The following TACR3 variants were observed in gnomAD, a reference collection of about 807,000 sequenced individuals.
The protein encoded by TACR3 is tachykinin receptor 3, also known as neuromedin-K receptor.
TACR3 carries 34 observed loss-of-function variants against 35.0 expected under a neutral mutation model. The ratio of observed to expected loss-of-function variants is 0.97; its 90% CI spans 0.74 to 1.30. TACR3 has a LOEUF of 1.30. Among genes scored for constraint, TACR3 ranks in the 50% most tolerant of loss-of-function variants. The pLI, the probability that TACR3 is intolerant of heterozygous loss-of-function variation, is 0.00. For missense variants in TACR3, 558 were observed against 591.7 expected (o/e 0.94, Z 0.59); for synonymous variants, 233 against 221.1 (o/e 1.05, Z -0.48).
chr4:103,601,601 C>T (rs1214057793), intron 3 of TACR3, among the ~76,000 whole-genome samples: 2 of 152,146 alleles, frequency 1.3e-5, no homozygotes, highest in Non-Finnish European at 2.9e-5. Context: ...AATCTCTCAG[C>T]ATTAGCTTGT....
intron 1 of TACR3, among the ~76,000 whole-genome samples, chr4:103,695,662 A>G (rs1009813274): frequency 3.3e-5 from 5 of 151,818 alleles, no homozygotes; most frequent in South Asian, 4.2e-4. Context: ...CAGTGCCCCT[A>G]AGTCCTGCAT....
intron 3 of TACR3, among the ~76,000 whole-genome samples, chr4:103,655,031 T>C (rs1028593832): frequency 6.6e-6 from 1 of 152,150 alleles, no homozygotes; most frequent in Non-Finnish European, 1.5e-5. Context: ...GAAAGAAAAA[T>C]AAAATTGAAT....
chr4:103,603,432 A>C (rs1031963830), intron 3 of TACR3, among the ~76,000 whole-genome samples: 2 of 152,180 alleles, frequency 1.3e-5, no homozygotes, highest in Non-Finnish European at 2.9e-5. Flanking sequence ...CTCCCCAGTG[A>C]GATGAACCCG....
intron 1 of TACR3, among the ~76,000 whole-genome samples, chr4:103,669,127 C>T (rs1725999312): frequency 6.6e-6 from 1 of 151,910 alleles, no homozygotes; most frequent in South Asian, 2.1e-4. Flanking sequence ...TTATTCATAT[C>T]GTTGCAAATG....
chr4:103,625,603 CTTTA>C (rs1455995012), intron 3 of TACR3, among the ~76,000 whole-genome samples: 2 of 151,984 alleles, frequency 1.3e-5, no homozygotes, highest in African/African-American at 4.8e-5. Context: ...GTAATTCTAC[CTTTA>C]TTTAGTAGCA....
At chr4:103,598,030 C>T (rs527499428) in intron 3 of TACR3, among the ~76,000 whole-genome samples, 1,907 of 152,100 alleles carry the variant, frequency 0.013, 37 homozygotes, top group African/African-American at 0.043. Context: ...ATCGCCACAC[C>T]GACTTCCACA....
At chr4:103,700,568 G>A (rs1458902915) in intron 1 of TACR3, among the ~76,000 whole-genome samples, 1 of 152,168 alleles carries the variant, frequency 6.6e-6, no homozygotes, top group African/African-American at 2.4e-5. Flanking sequence ...AACAGGTGAT[G>A]TCTCCTTATA....
intron 1 of TACR3, among the ~76,000 whole-genome samples, chr4:103,660,921 T>C (rs1334725954): frequency 6.6e-6 from 1 of 152,004 alleles, no homozygotes; most frequent in Non-Finnish European, 1.5e-5. Flanking sequence ...TCATATATAC[T>C]TAATAGCCAT....
At chr4:103,613,285 C>T (rs1724552571) in intron 3 of TACR3, among the ~76,000 whole-genome samples, 1 of 152,110 alleles carries the variant, frequency 6.6e-6, no homozygotes, top group Admixed American at 6.5e-5. Flanking sequence ...GTGATAAAGC[C>T]TCAGCTTTCT....
At chr4:103,714,970 A>G (rs1723056148) in intron 1 of TACR3, among the ~76,000 whole-genome samples, 1 of 152,172 alleles carries the variant, frequency 6.6e-6, no homozygotes, top group African/African-American at 2.4e-5. Context: ...AGATTACCAA[A>G]TAAATTAAAA....
intron 4 of TACR3, 78 bp from the exon 5 acceptor site, chr4:103,590,072 A>C (rs1241658480): frequency 1.0e-5 from 16 of 1,537,398 alleles, no homozygotes; most frequent in Non-Finnish European, 1.4e-5. Context: ...AGAAAATTCT[A>C]CCTAAGGCAG....
At chr4:103,667,723 T>TG (rs1376678927) in intron 1 of TACR3, among the ~76,000 whole-genome samples, 9 of 152,212 alleles carry the variant, frequency 5.9e-5, no homozygotes, top group African/African-American at 2.2e-4. Context: ...CCCTCAAAGT[T>TG]GTAAAACATT....
chr4:103,696,455 T>C (rs768354246), intron 1 of TACR3, among the ~76,000 whole-genome samples: 1 of 152,122 alleles, frequency 6.6e-6, no homozygotes, highest in Non-Finnish European at 1.5e-5. Context: ...GTATCACAAA[T>C]AGTTTGAACA....
At chr4:103,701,692 C>A (rs1343570685) in intron 1 of TACR3, among the ~76,000 whole-genome samples, 1 of 152,034 alleles carries the variant, frequency 6.6e-6, no homozygotes, top group Non-Finnish European at 1.5e-5. Context: ...GTACTGGTAC[C>A]AAAACAGAGA....
chr4:103,623,628 G>C (rs1444618120), intron 3 of TACR3, among the ~76,000 whole-genome samples: 1 of 151,938 alleles, frequency 6.6e-6, no homozygotes, highest in East Asian at 1.9e-4. Flanking sequence ...TAAATCCTAG[G>C]CAGTCTTATA....
At position 103,718,977 on chromosome 4, in the gene TACR3, A is replaced by T. The variant is rs1723148819; in HGVS notation, c.548+151T>A. 4 of 1,048,508 alleles carry T rather than the reference A, an allele frequency of 3.8e-6. No homozygotes were observed. In the Admixed American group the frequency reaches 6.2e-5, roughly 16 times the overall value. 65.0% of individuals were successfully genotyped at this position (1,048,508 alleles called of 1,614,324 possible). A position where few individuals can be genotyped will look rare whatever the true frequency, so the allele number is the denominator to read the frequency against. ...CTTGTTCAGCCACTCGAGGGCTACA[A>T]ATGGGTTAGTGTCCTCCTTTCAGCA... On this transcript the variant is annotated intron_variant, in intron 1 of 4. Transcript: ENST00000304883.
chr4:103,699,658 G>C (rs1392945173), intron 1 of TACR3, among the ~76,000 whole-genome samples: 3 of 152,144 alleles, frequency 2.0e-5, no homozygotes, highest in African/African-American at 4.8e-5. Flanking sequence ...GGAGTCTTAA[G>C]TGATTAGATT....
chr4:103,691,737 G>A (rs975931422), intron 1 of TACR3, among the ~76,000 whole-genome samples: 3 of 152,116 alleles, frequency 2.0e-5, no homozygotes, highest in Non-Finnish European at 2.9e-5. Context: ...TGCCCAGGGC[G>A]GAAAACTGCT....
intron 1 of TACR3, among the ~76,000 whole-genome samples, chr4:103,688,929 G>A (rs1329073754): frequency 1.3e-5 from 2 of 152,038 alleles, no homozygotes; most frequent in Non-Finnish European, 2.9e-5. Flanking sequence ...AAATCATGCT[G>A]CTATAAAAAC....
Sources: allele counts gnomAD v4.1 joint callset (sites outside exome capture counted in the v4.1 genomes callset), GRCh38; gene constraint gnomAD v4.1.1; transcripts MANE v1.5; gene names NCBI Gene and HGNC (gene_info 2026-07-23, HGNC 2026-07-21).